The following TRPM3 variants were observed in gnomAD, a reference collection of about 807,000 sequenced individuals.
The protein encoded by TRPM3 is long transient receptor potential channel 3.
In TRPM3, 77 loss-of-function variants were observed where a neutral mutation model predicts 181.2. The ratio of observed to expected loss-of-function variants is 0.42; its 90% CI spans 0.35 to 0.51. The LOEUF is 0.51. TRPM3 is among the 20% of genes least tolerant of loss of function. The probability of loss-of-function intolerance (pLI) is 0.01; values close to 1 mark genes in which losing one functional copy is unlikely to be tolerated. For missense variants in TRPM3, 1,759 were observed against 2,196.7 expected (o/e 0.80, Z 3.98); for synonymous variants, 745 against 796.4 (o/e 0.94, Z 1.09).
intron 1 of TRPM3, among the ~76,000 whole-genome samples, chr9:71,210,597 C>T (rs1474108059): frequency 6.6e-6 from 1 of 152,120 alleles, no homozygotes; most frequent in Non-Finnish European, 1.5e-5. Context: ...ATTTAAAGTT[C>T]CTTTGTAAGA....
chr9:71,002,562 C>CTA (rs1248421203), intron 1 of TRPM3, among the ~76,000 whole-genome samples: 2 of 152,180 alleles, frequency 1.3e-5, no homozygotes, highest in Non-Finnish European at 2.9e-5. Context: ...TCTCCTTCCA[C>CTA]TATATACGTC....
chr9:70,929,481 C>T (rs1022336061), intron 1 of TRPM3, among the ~76,000 whole-genome samples: 3 of 152,082 alleles, frequency 2.0e-5, no homozygotes, highest in East Asian at 1.9e-4. Flanking sequence ...GGATTACAGG[C>T]GTGACCCACC....
Position 70,791,250 on chromosome 9 carries a change from T to C in TRPM3, c.974-6971A>G, listed in dbSNP as rs1162746117. The stretch of plus-strand genomic sequence containing the variant: ...TGTACGCTATACATTTTTTTGCCAT[T>C]ATAATCTTGCACCTAAATTGATGCT... On this transcript the variant is annotated intron_variant, in intron 6 of 25. Transcript: ENST00000677713. Among the ~76,000 whole-genome samples the C allele has an allele frequency of 2.6e-5, 4 of 152,200 alleles. No individual in the cohort carries two copies. The South Asian group carries it at 6.2e-4, about 24-fold the overall frequency.
chr9:70,851,203 C>T (rs1350607725), intron 3 of TRPM3, among the ~76,000 whole-genome samples: 2 of 152,126 alleles, frequency 1.3e-5, no homozygotes, highest in Admixed American at 6.5e-5. Context: ...AACAAAATAA[C>T]CAGAATACAA....
At chr9:71,129,936 T>C (rs2074269018) in intron 1 of TRPM3, among the ~76,000 whole-genome samples, 1 of 152,216 alleles carries the variant, frequency 6.6e-6, no homozygotes, top group Non-Finnish European at 1.5e-5. Context: ...AAGGATTGTC[T>C]GTACTCATTT....
intron 1 of TRPM3, among the ~76,000 whole-genome samples, chr9:71,317,786 T>C (rs1235146602): frequency 6.6e-6 from 1 of 152,204 alleles, no homozygotes; most frequent in Non-Finnish European, 1.5e-5. Context: ...TTCCTTCATC[T>C]CACAAAATAC....
chr9:70,675,968 A>G (rs1194178376), intron 9 of TRPM3, among the ~76,000 whole-genome samples: 1 of 152,170 alleles, frequency 6.6e-6, no homozygotes, highest in African/African-American at 2.4e-5. Context: ...ACATTTTCTT[A>G]GTTTTTAACT....
In TRPM3 at chr9:70,535,758, T is replaced by C; in HGVS notation, c.*195A>G. ...GAACATGCCTTAAATCCCCTGTGTC[T>C]GGCACTGGGTCAGATCAAATGCTTT... On this transcript the variant is annotated 3_prime_UTR_variant, in exon 26 of 26. Coordinates refer to ENST00000677713, the MANE Select transcript of TRPM3 (RefSeq NM_001366145.2). 6 of 1,461,874 alleles carry C rather than the reference T, an allele frequency of 4.1e-6. No homozygotes were observed. Among genetic ancestry groups the C allele is most frequent in the Non-Finnish European group, 5.4e-6 (6 of 1,115,256 alleles). The allele number at this position is 1,461,874 out of a possible 1,614,324, so 90.6% of individuals were successfully genotyped here. A position where few individuals can be genotyped will look rare whatever the true frequency, so the allele number is the denominator to read the frequency against.
intron 1 of TRPM3, among the ~76,000 whole-genome samples, chr9:71,268,272 C>T (rs544612600): frequency 1.3e-5 from 2 of 151,766 alleles, no homozygotes; most frequent in African/African-American, 2.4e-5. Context: ...CCCAGCTACT[C>T]GGGAGGCTGA....
chr9:71,053,530 C>A lies in TRPM3; in HGVS notation c.177+67648G>T, dbSNP rs117133308. ...CAACCCGCTCAATGTGTATGAAACACAAGATAATGAAAGAGGTACAGATGC... is the reference window on the plus strand; with the variant it reads ...CAACCCGCTCAATGTGTATGAAACAAAAGATAATGAAAGAGGTACAGATGC... On this transcript the variant is annotated intron_variant, in intron 1 of 25. Transcript: ENST00000677713. Among the ~76,000 whole-genome samples, 752 of 152,204 alleles carry A rather than the reference C, an allele frequency of 4.9e-3. 18 individuals are homozygous for A. In the East Asian group the frequency reaches 0.078, roughly 16 times the overall value.
At chr9:70,651,565 G>T (rs1234836240) in intron 9 of TRPM3, among the ~76,000 whole-genome samples, 1 of 152,124 alleles carries the variant, frequency 6.6e-6, no homozygotes, top group Non-Finnish European at 1.5e-5. Context: ...CCAGACAAAG[G>T]AGAGAACTTT....
intron 8 of TRPM3, among the ~76,000 whole-genome samples, chr9:70,691,520 G>A (rs908054273): frequency 6.6e-6 from 1 of 152,098 alleles, no homozygotes; most frequent in South Asian, 2.1e-4. Flanking sequence ...AGGGATCATC[G>A]TGGATGAACA....
At chr9:71,058,832 C>T (rs1393598140) in intron 1 of TRPM3, among the ~76,000 whole-genome samples, 1 of 151,806 alleles carries the variant, frequency 6.6e-6, no homozygotes, top group Non-Finnish European at 1.5e-5. Context: ...ATTTATCACA[C>T]CATGGTAGTC....
chr9:71,418,753 G>C (rs1381357427), intron 1 of TRPM3, among the ~76,000 whole-genome samples: 1 of 147,400 alleles, frequency 6.8e-6, no homozygotes, highest in Non-Finnish European at 1.5e-5. Context: ...TATATCCTTT[G>C]AGATACTATA....
At chr9:71,440,187 C>T (rs1291952528) in intron 1 of TRPM3, among the ~76,000 whole-genome samples, 1 of 152,044 alleles carries the variant, frequency 6.6e-6, no homozygotes, top group East Asian at 1.9e-4. Flanking sequence ...ATCTTAAACT[C>T]ACTAGGAAAG....
At chr9:70,584,224 C>G (rs139506592) in intron 22 of TRPM3, among the ~76,000 whole-genome samples, 2,248 of 152,190 alleles carry the variant, frequency 0.015, 64 homozygotes, top group African/African-American at 0.051. Context: ...TCCACTTCCC[C>G]ATTTTCTTGC....
intron 1 of TRPM3, among the ~76,000 whole-genome samples, chr9:71,268,849 T>C (rs2083572828): frequency 6.6e-6 from 1 of 151,502 alleles, no homozygotes. Context: ...AATTAAAAAT[T>C]AAAAAAAACA....
chr9:70,683,269 G>C (rs4419870), intron 8 of TRPM3, among the ~76,000 whole-genome samples: 55,722 of 151,650 alleles, frequency 0.37, 10,526 homozygotes, highest in East Asian at 0.46. Context: ...ACTCAGGCTG[G>C]AGTACAGTGG....
At chr9:71,046,383 A>G (rs1225125298) in intron 1 of TRPM3, among the ~76,000 whole-genome samples, 6 of 152,298 alleles carry the variant, frequency 3.9e-5, no homozygotes, top group African/African-American at 1.4e-4. Context: ...CGCATGAATA[A>G]CTCTTCACAA....
Sources: gnomAD v4.1 joint callset for allele counts (sites outside exome capture counted in the v4.1 genomes callset) on GRCh38, gnomAD v4.1.1 for gene constraint, MANE v1.5 for transcripts, NCBI Gene and HGNC (gene_info 2026-07-23, HGNC 2026-07-21) for gene names.